The following PLVAP variants were observed in gnomAD, a reference collection of about 807,000 sequenced individuals.
The protein encoded by PLVAP is plasmalemma vesicle associated protein, also known as plasmalemma vesicle-associated protein.
In PLVAP, 34 loss-of-function variants were observed where a neutral mutation model predicts 43.1. That is an observed-to-expected ratio of 0.79 (90% CI 0.60 to 1.05). The LOEUF (loss-of-function observed/expected upper bound fraction) is 1.05, where lower values mean the gene tolerates loss of function less well. Among genes scored for constraint, PLVAP ranks in the 50% least tolerant of loss-of-function variants. PLVAP has a pLI of 0.00. For synonymous variants in PLVAP, 241 were observed against 237.3 expected, an observed-to-expected ratio of 1.02 and a Z score of -0.14; for missense variants, 574 against 593.4, an observed-to-expected ratio of 0.97 and a Z score of 0.34.
chr19:17,371,597 C>G (rs1271984676), intron 1 of PLVAP, among the ~76,000 whole-genome samples: 1 of 152,032 alleles, frequency 6.6e-6, no homozygotes, highest in Non-Finnish European at 1.5e-5. Context: ...CTCGGGCAAT[C>G]CTCCCACCTC....
intron 1 of PLVAP, among the ~76,000 whole-genome samples, chr19:17,373,776 T>C (rs1017166190): frequency 2.0e-5 from 3 of 152,112 alleles, no homozygotes; most frequent in Non-Finnish European, 2.9e-5. Flanking sequence ...GATTTGCAGC[T>C]GTGACTTTGC....
intron 1 of PLVAP, among the ~76,000 whole-genome samples, chr19:17,366,939 AT>A (rs34408678): frequency 0.55 from 59,159 of 107,770 alleles, 16,215 homozygotes; most frequent in African/African-American, 0.71. Flanking sequence ...CCCGGCTCGA[AT>A]TTTTTTTTTT....
At chr19:17,361,731 T>A (rs1237650821) in intron 3 of PLVAP, among the ~76,000 whole-genome samples, 1 of 152,056 alleles carries the variant, frequency 6.6e-6, no homozygotes, top group East Asian at 1.9e-4. Flanking sequence ...TATCTTCAGA[T>A]CTCACTCTGA....
At chr19:17,363,325 C>T (rs948439821) in intron 3 of PLVAP, among the ~76,000 whole-genome samples, 1 of 152,064 alleles carries the variant, frequency 6.6e-6, no homozygotes. Context: ...TGCCACCAAG[C>T]CTGGCTAATT....
intron 3 of PLVAP, among the ~76,000 whole-genome samples, chr19:17,361,943 G>A (rs945781132): frequency 3.3e-5 from 5 of 151,060 alleles, no homozygotes; most frequent in South Asian, 2.1e-4. Flanking sequence ...AAAATCAGCC[G>A]GGCCTGGTGG....
chr19:17,351,568 C>G lies in PLVAP; in HGVS notation c.*794G>C, dbSNP rs963214195. The stretch of plus-strand genomic sequence containing the variant: ...TCCCGACAACAGGTGACCCTCACCC[C>G]CGGCTCAGGGCCCCGAGGGGGTCCT... On this transcript the variant is annotated 3_prime_UTR_variant, in exon 6 of 6. Transcript: ENST00000252590. 6.6e-6 allele frequency: 1 copy of G among 152,406 alleles called. No individual in the cohort carries two copies. The highest frequency in any genetic ancestry group is 6.5e-5 in the Admixed American group (1 of 15,306). The allele number at this position is 152,406 out of a possible 1,614,324, so 9.4% of individuals were successfully genotyped here.
chr19:17,377,053 G>T lies in PLVAP; in HGVS notation c.236C>A (p.Ala79Asp). ...GLYSQLLGLT[A>D]SQSNLTKELN... The stretch of plus-strand genomic sequence containing the variant: ...CTCCTTGGTCAAGTTGGACTGGGAG[G>T]CCGTGAGCCCTAGGAGCTGACTGTA... The change falls in exon 1 of 6, where the codon GCC becomes GAC. Residue 79 changes from alanine (A) to aspartate (D), a missense_variant. Coordinates refer to ENST00000252590, the MANE Select transcript of PLVAP (RefSeq NM_031310.3). 1 of 1,614,166 alleles carries T rather than the reference G, an allele frequency of 6.2e-7. No individual in the cohort carries two copies. Among genetic ancestry groups the T allele is most frequent in the Non-Finnish European group, 8.5e-7 (1 of 1,180,036 alleles).
chr19:17,361,476 C>G (rs1199919104), intron 3 of PLVAP, among the ~76,000 whole-genome samples: 1 of 152,038 alleles, frequency 6.6e-6, no homozygotes, highest in Non-Finnish European at 1.5e-5. Flanking sequence ...ACCCAAGACC[C>G]CATCGGAGTC....
intron 1 of PLVAP, among the ~76,000 whole-genome samples, chr19:17,366,578 A>G (rs1252763153): frequency 6.6e-6 from 1 of 152,082 alleles, no homozygotes; most frequent in Admixed American, 6.6e-5. Flanking sequence ...ATGCTACAAC[A>G]TGGATGAACT....
At chr19:17,372,503 C>T (rs1326559793) in intron 1 of PLVAP, among the ~76,000 whole-genome samples, 1 of 149,998 alleles carries the variant, frequency 6.7e-6, no homozygotes, top group Non-Finnish European at 1.5e-5. Flanking sequence ...GTCGCCCAGG[C>T]TGGAGTGCAG....
At chr19:17,375,971 A>G (rs2074593645) in intron 1 of PLVAP, among the ~76,000 whole-genome samples, 1 of 151,540 alleles carries the variant, frequency 6.6e-6, no homozygotes, top group African/African-American at 2.4e-5. Context: ...GTTTGAGCCC[A>G]GGAGTTCAAG....
Position 17,377,158 on chromosome 19 carries a change from A to G in PLVAP, c.131T>C (p.Val44Ala). The G allele has an allele frequency of 6.2e-7, 1 of 1,614,118 alleles. No individual in the cohort carries two copies. Among genetic ancestry groups the G allele is most frequent in the South Asian group, 1.1e-5 (1 of 91,074 alleles). Residue 44 changes from valine (V) to alanine (A), a missense_variant, in exon 1 of 6, where the codon GTG becomes GCG. Val to Ala is a moderately conservative substitution (Grantham distance 64, BLOSUM62 0). Coordinates refer to ENST00000252590, the MANE Select transcript of PLVAP (RefSeq NM_031310.3). ...CACGTTGCCATAGACCATGAAGAGC[A>G]CGAGCCCCAGGATGATGAGGAATTG... ...LIQFLIILGLVLFMVYGNVHV... is the reference protein window; with the variant it reads ...LIQFLIILGLALFMVYGNVHV...
In PLVAP at chr19:17,366,096, C is replaced by T. The variant is rs1480303724; in HGVS notation, c.466+3G>A. ...CCCGGCTCCCTGCAGCCTTAGCACT[C>T]ACCATCGCAGCTCTTGTTCATGTCC... is the stretch of plus-strand genomic sequence containing the variant. On this transcript the variant is annotated splice_donor_region_variant and intron_variant, in intron 2 of 5. Coordinates refer to ENST00000252590, the MANE Select transcript of PLVAP (RefSeq NM_031310.3). 4.3e-6 allele frequency: 7 copies of T among 1,614,012 alleles called. No individual in the cohort carries two copies. Among genetic ancestry groups the T allele is most frequent in the Non-Finnish European group, 1.7e-6 (2 of 1,180,036 alleles).
chr19:17,352,419 G>A (rs1187378039), intron 5 of PLVAP, 51 bp from the exon 6 acceptor site: 2 of 1,592,978 alleles, frequency 1.3e-6, no homozygotes, highest in Non-Finnish European at 1.7e-6. Flanking sequence ...CAGAGGGAAG[G>A]GCAAACCTCG....
chr19:17,366,032 T>C (rs375479152), intron 2 of PLVAP, 34 bp from the exon 3 acceptor site: 19 of 1,611,458 alleles, frequency 1.2e-5, no homozygotes, highest in African/African-American at 4.0e-5. Context: ...CCCAGGAAGA[T>C]TGGGGGCTGC....
At chr19:17,374,631 G>GTTTT (rs531954634) in intron 1 of PLVAP, among the ~76,000 whole-genome samples, 1 of 145,718 alleles carries the variant, frequency 6.9e-6, no homozygotes, top group African/African-American at 2.5e-5. Context: ...TCCTTTTTTT[G>GTTTT]TTTTTTTTTT....
At position 17,355,225 on chromosome 19, in the gene PLVAP, A is replaced by AAATT. The variant is rs201326616; in HGVS notation, c.1323-2858_1323-2857insAATT. The stretch of plus-strand genomic sequence containing the variant: ...GGTGGCAGAGTGAGACTCCATCTCA[A>AAATT]AATAATAATAATAATAATAATAATA... On this transcript the variant is annotated intron_variant, in intron 5 of 5. Transcript: ENST00000252590. Among the ~76,000 whole-genome samples the AAATT allele has an allele frequency of 0.014, 1,898 of 139,540 alleles. 137 individuals are homozygous for AAATT. In the East Asian group the frequency reaches 0.2, roughly 15 times the overall value. 91.5% of individuals were successfully genotyped at this position (139,540 alleles called of 152,430 possible). A position where few individuals can be genotyped will look rare whatever the true frequency, so the allele number is the denominator to read the frequency against.
chr19:17,358,595 T>C (rs2074515744), intron 5 of PLVAP, among the ~76,000 whole-genome samples: 1 of 151,884 alleles, frequency 6.6e-6, no homozygotes, highest in South Asian at 2.1e-4. Context: ...GTGGCCTGAG[T>C]CACCATCCCT....
rs567638592 is a variant in PLVAP at position 17,352,014 on chromosome 19, G to A, written c.*348C>T. On this transcript the variant is annotated 3_prime_UTR_variant, in exon 6 of 6. Coordinates refer to ENST00000252590, the MANE Select transcript of PLVAP (RefSeq NM_031310.3). Reference sequence around the variant, plus strand: ...GCATCTCGGTGTGACGTCATGCCAAGTTCCCCATGTCTGTGTGCGACGTGC... The same window carrying A: ...GCATCTCGGTGTGACGTCATGCCAAATTCCCCATGTCTGTGTGCGACGTGC... 16 of 345,778 alleles carry A rather than the reference G, an allele frequency of 4.6e-5. No individual in the cohort carries two copies. The highest frequency in any genetic ancestry group is 6.5e-5 in the Non-Finnish European group (12 of 184,750). The allele number at this position is 345,778 out of a possible 1,614,324, so 21.4% of individuals were successfully genotyped here.
Sources: gnomAD v4.1 joint callset for allele counts (sites outside exome capture counted in the v4.1 genomes callset) on GRCh38, gnomAD v4.1.1 for gene constraint, MANE v1.5 for transcripts, NCBI Gene and HGNC (gene_info 2026-07-23, HGNC 2026-07-21) for gene names.